Variants in ETFA observed in about 807,000 individuals in gnomAD.
ETFA encodes the protein electron transfer flavoprotein subunit alpha.
ETFA carries 22 observed loss-of-function variants against 46.2 expected under a neutral mutation model. The observed-to-expected ratio is 0.48, with a 90% CI of 0.34 to 0.68. ETFA has a LOEUF of 0.68. ETFA is among the 30% of genes least tolerant of loss of function. The probability of loss-of-function intolerance (pLI) is 0.01; values close to 1 mark genes in which losing one functional copy is unlikely to be tolerated. For missense variants in ETFA, 345 were observed against 401.1 expected (o/e 0.86, Z 1.19); for synonymous variants, 131 against 139.9 (o/e 0.94, Z 0.45).
intron 9 of ETFA, among the ~76,000 whole-genome samples, chr15:76,264,793 G>T (rs530415098): frequency 6.6e-6 from 1 of 152,272 alleles, no homozygotes; most frequent in East Asian, 1.9e-4. Flanking sequence ...AATATGTCCC[G>T]TTTCTCAGGC....
At chr15:76,266,039 C>T (rs1160903567) in intron 9 of ETFA, among the ~76,000 whole-genome samples, 1 of 152,176 alleles carries the variant, frequency 6.6e-6, no homozygotes, top group Non-Finnish European at 1.5e-5. Context: ...AAGGGACATA[C>T]AGAGCCTACT....
chr15:76,299,853 C>G (rs1043535566), intron 1 of ETFA, among the ~76,000 whole-genome samples: 1 of 152,170 alleles, frequency 6.6e-6, no homozygotes, highest in African/African-American at 2.4e-5. Context: ...GTAATCTACA[C>G]TTCCCAGTCA....
intron 9 of ETFA, chr15:76,260,581 C>T: frequency 6.6e-7 from 1 of 1,503,892 alleles, no homozygotes; most frequent in Non-Finnish European, 9.1e-7. Context: ...GCCCTGGTCC[C>T]CTCCATTGTC....
rs2039061941 is a variant in ETFA at position 76,231,037 on chromosome 15, T to C, written c.882+296A>G. 5 of 338,730 alleles carry C rather than the reference T, an allele frequency of 1.5e-5. No homozygotes were observed. In the South Asian group the frequency reaches 2.0e-4, roughly 14 times the overall value. 21.0% of individuals were successfully genotyped at this position (338,730 alleles called of 1,614,324 possible). A position where few individuals can be genotyped will look rare whatever the true frequency, so the allele number is the denominator to read the frequency against. On this transcript the variant is annotated intron_variant, in intron 10 of 11. Transcript: ENST00000557943. The stretch of plus-strand genomic sequence containing the variant: ...TGAAGGGCAACTTAGTGATCATCAT[T>C]CAATACCCACTATTTAGTAGACAAA...
At chr15:76,222,881 C>T (rs1290298275) in intron 11 of ETFA, among the ~76,000 whole-genome samples, 1 of 150,956 alleles carries the variant, frequency 6.6e-6, no homozygotes, top group African/African-American at 2.4e-5. Flanking sequence ...GCTGCCCAGG[C>T]TGAAGTGCAG....
chr15:76,249,519 G>T (rs2039276983), intron 9 of ETFA, among the ~76,000 whole-genome samples: 1 of 142,582 alleles, frequency 7.0e-6, no homozygotes, highest in African/African-American at 2.7e-5. Flanking sequence ...TCGGCTCACT[G>T]CAAGCTCCGC....
Position 76,222,136 on chromosome 15 carries a change from G to A in ETFA, c.963+3713C>T, listed in dbSNP as rs566680007. Among the ~76,000 whole-genome samples the A allele has an allele frequency of 1.8e-3, 265 of 150,630 alleles. 2 individuals are homozygous for A. The highest frequency in any genetic ancestry group is 9.8e-3 in the South Asian group (47 of 4,796). On this transcript the variant is annotated intron_variant, in intron 11 of 11. Coordinates refer to ENST00000557943, the MANE Select transcript of ETFA (RefSeq NM_000126.4). ...GCTAATTAATTCTCACCCATAATTT[G>A]TATAATTAATTGTATTTCTTAATGT...
chr15:76,240,165 T>C (rs1463816139), intron 9 of ETFA, among the ~76,000 whole-genome samples: 4 of 152,184 alleles, frequency 2.6e-5, no homozygotes, highest in African/African-American at 9.7e-5. Context: ...TGGTTCCAAA[T>C]AACTGCTAAA....
chr15:76,260,479 C>A (rs1367892246), intron 9 of ETFA: 27 of 1,555,680 alleles, frequency 1.7e-5, no homozygotes, highest in Non-Finnish European at 2.3e-5. Flanking sequence ...GAAGAGACCA[C>A]CAGTGGCTGA....
chr15:76,237,608 T>C (rs538963119), intron 9 of ETFA, among the ~76,000 whole-genome samples: 1 of 152,292 alleles, frequency 6.6e-6, no homozygotes, highest in African/African-American at 2.4e-5. Flanking sequence ...TGGAGACAAA[T>C]ACCTGCAGCT....
At chr15:76,306,271 T>C (rs1293521503) in intron 1 of ETFA, among the ~76,000 whole-genome samples, 1 of 139,830 alleles carries the variant, frequency 7.2e-6, no homozygotes, top group African/African-American at 2.6e-5. Context: ...TTGCTTCTTT[T>C]TTTTTTTTTT....
intron 9 of ETFA, among the ~76,000 whole-genome samples, chr15:76,252,878 C>T (rs897841057): frequency 7.3e-6 from 1 of 137,826 alleles, no homozygotes; most frequent in Non-Finnish European, 1.6e-5. Context: ...TATGTGTATA[C>T]ACACACACAC....
At chr15:76,235,256 C>T (rs1256148485) in intron 9 of ETFA, among the ~76,000 whole-genome samples, 1 of 152,186 alleles carries the variant, frequency 6.6e-6, no homozygotes, top group African/African-American at 2.4e-5. Context: ...TATTGATTTT[C>T]TCAGCCCACT....
At chr15:76,253,655 C>A (rs2039322346) in intron 9 of ETFA, among the ~76,000 whole-genome samples, 1 of 152,120 alleles carries the variant, frequency 6.6e-6, no homozygotes, top group South Asian at 2.1e-4. Context: ...CAAAGAAATA[C>A]TGAATTATTC....
rs561675037 is a variant in ETFA at position 76,272,222 on chromosome 15, C to CTT, written c.816+2188_816+2189dup. Among the ~76,000 whole-genome samples, 80 of 137,302 alleles carry CTT rather than the reference C, an allele frequency of 5.8e-4. 1 individual carries two copies. Among genetic ancestry groups the CTT allele is most frequent in the East Asian group, 1.7e-3 (8 of 4,826 alleles). The allele number at this position is 137,302 out of a possible 152,430, so 90.1% of individuals were successfully genotyped here. On this transcript the variant is annotated intron_variant, in intron 9 of 11. Coordinates refer to ENST00000557943, the MANE Select transcript of ETFA (RefSeq NM_000126.4). ...TGTATATCTCTGAATTTCTTTCTTT[C>CTT]TTTTTTTTTTTTTTTTGGAGACAGT... is the stretch of plus-strand genomic sequence containing the variant.
chr15:76,276,286 T>C (rs538874081), intron 8 of ETFA, among the ~76,000 whole-genome samples: 1 of 152,162 alleles, frequency 6.6e-6, no homozygotes, highest in Admixed American at 6.5e-5. Context: ...TCTCTTCTGC[T>C]TGCATGGTTT....
chr15:76,265,179 AC>A (rs1226371900), intron 9 of ETFA, among the ~76,000 whole-genome samples: 1 of 152,198 alleles, frequency 6.6e-6, no homozygotes, highest in Non-Finnish European at 1.5e-5. Flanking sequence ...GGGGACCCTT[AC>A]CCTCAGGAAC....
At chr15:76,272,488 G>C (rs924366854) in intron 9 of ETFA, among the ~76,000 whole-genome samples, 1 of 152,096 alleles carries the variant, frequency 6.6e-6, no homozygotes, top group Non-Finnish European at 1.5e-5. Context: ...CCAAAGTGCT[G>C]GGATTACAGG....
intron 9 of ETFA, 68 bp from the exon 10 acceptor site, chr15:76,231,466 G>T: frequency 2.0e-6 from 2 of 1,023,110 alleles, no homozygotes; most frequent in Non-Finnish European, 2.9e-6. Context: ...AGTGTTTGCT[G>T]TTAGCAATTT....
Sources: gnomAD v4.1 joint callset for allele counts (sites outside exome capture counted in the v4.1 genomes callset) on GRCh38, gnomAD v4.1.1 for gene constraint, MANE v1.5 for transcripts, NCBI Gene and HGNC (gene_info 2026-07-23, HGNC 2026-07-21) for gene names.